The following MSMB variants were observed in gnomAD, a reference collection of about 807,000 sequenced individuals.
The protein encoded by MSMB is microseminoprotein beta, also known as beta-microseminoprotein.
Under a neutral mutation model 10.5 loss-of-function variants are expected in MSMB, and 10 were observed. That is an observed-to-expected ratio of 0.95 (90% CI 0.59 to 1.62). MSMB has a LOEUF of 1.62. Among genes scored for constraint, MSMB ranks in the 40% most tolerant of loss-of-function variants. MSMB has a pLI of 0.00. For missense variants in MSMB, 126 were observed against 137.4 expected, an observed-to-expected ratio of 0.92 and a Z score of 0.42; for synonymous variants, 43 against 46.5, an observed-to-expected ratio of 0.93 and a Z score of 0.30.
chr10:46,035,797 C>T (rs1554927462), intron 3 of MSMB, among the ~76,000 whole-genome samples: 2 of 151,560 alleles, frequency 1.3e-5, no homozygotes. Context: ...TACACTGGCA[C>T]ATTTTATGTA....
chr10:46,034,698 G>A (rs569050960), intron 3 of MSMB, among the ~76,000 whole-genome samples: 70 of 151,746 alleles, frequency 4.6e-4, no homozygotes, highest in African/African-American at 1.5e-3. Context: ...GGTTGCAGGC[G>A]CCTGTAGTCC....
chr10:46,046,160 G>A (rs1404920916), intron 1 of MSMB, 75 bp downstream of exon 1: 2 of 1,419,806 alleles, frequency 1.4e-6, no homozygotes, highest in African/African-American at 2.8e-5. Flanking sequence ...TGTGGTAGAA[G>A]CACACGCATA....
At chr10:46,041,789 GT>G (rs1311883412) in intron 1 of MSMB, among the ~76,000 whole-genome samples, 1 of 149,828 alleles carries the variant, frequency 6.7e-6, no homozygotes, top group Non-Finnish European at 1.5e-5. Flanking sequence ...GTGAAACCCT[GT>G]CTTTAAAAAA....
rs925158026 is a variant in MSMB, at chr10:46,039,928, G to C, written c.109+58C>G. 4.7e-6 allele frequency: 6 copies of C among 1,269,006 alleles called. No individual in the cohort carries two copies. In the African/African-American group the frequency reaches 8.8e-5, roughly 19 times the overall value. 78.6% of individuals were successfully genotyped at this position (1,269,006 alleles called of 1,614,324 possible). A position where few individuals can be genotyped will look rare whatever the true frequency, so the allele number is the denominator to read the frequency against. ...AGAAACACAAAGGCTTTCATCTGCA[G>C]ACAGGTCCATCTACCAGGCTGCAAT... is the stretch of plus-strand genomic sequence containing the variant. On this transcript the variant is annotated intron_variant, in intron 2 of 3. Coordinates refer to ENST00000582163, the MANE Select transcript of MSMB (RefSeq NM_002443.4).
chr10:46,039,995 A>T lies in MSMB; in HGVS notation c.100T>A (p.Ser34Thr). 1 of 1,613,434 alleles carries T rather than the reference A, an allele frequency of 6.2e-7. No individual in the cohort carries two copies. The highest frequency in any genetic ancestry group is 8.5e-7 in the Non-Finnish European group (1 of 1,179,388). ...AAAAGCCAAGACTTACTCCTGGTTG[A>T]ATCTCCTGGAACTCCCTCATTAGGT... ...FIPNEGVPGD[S>T]TRKCMDLKGN... Residue 34 changes from serine to threonine, a missense_variant, in exon 2 of 4, where the codon TCA (serine) becomes ACA (threonine). Transcript: ENST00000582163.
intron 3 of MSMB, among the ~76,000 whole-genome samples, chr10:46,038,534 C>T (rs781814555): frequency 4.4e-4 from 67 of 152,058 alleles, no homozygotes; most frequent in African/African-American, 1.5e-3. Flanking sequence ...GTGATCCGCC[C>T]GCTTCGGCCC....
At chr10:46,037,738 G>A (rs931602214) in intron 3 of MSMB, among the ~76,000 whole-genome samples, 1 of 152,112 alleles carries the variant, frequency 6.6e-6, no homozygotes, top group African/African-American at 2.4e-5. Flanking sequence ...GTGATGACCG[G>A]GCCAATCTCT....
At chr10:46,040,955 A>G (rs1554928499) in intron 1 of MSMB, among the ~76,000 whole-genome samples, 1 of 148,788 alleles carries the variant, frequency 6.7e-6, no homozygotes, top group Non-Finnish European at 1.5e-5. Flanking sequence ...CTCCGTCTCA[A>G]AAAAAAAAAA....
At chr10:46,040,683 G>T (rs189519113) in intron 1 of MSMB, among the ~76,000 whole-genome samples, 31 of 152,090 alleles carry the variant, frequency 2.0e-4, no homozygotes, top group African/African-American at 7.2e-4. Flanking sequence ...TGCCAGGCAC[G>T]GTGGCTCACG....
intron 3 of MSMB, 39 bp downstream of exon 3, chr10:46,038,927 C>T: frequency 6.4e-7 from 1 of 1,552,448 alleles, no homozygotes; most frequent in Non-Finnish European, 8.9e-7. Context: ...CAGAGAACAG[C>T]TATGTCCCCC....
At chr10:46,043,649 T>G (rs1554928933) in intron 1 of MSMB, among the ~76,000 whole-genome samples, 2 of 149,542 alleles carry the variant, frequency 1.3e-5, no homozygotes, top group African/African-American at 5.0e-5. Flanking sequence ...TTCCTGGGAG[T>G]TTTTTTTGTT....
intron 1 of MSMB, among the ~76,000 whole-genome samples, chr10:46,041,001 G>A (rs10994294): frequency 0.043 from 6,525 of 151,452 alleles, 202 homozygotes; most frequent in Non-Finnish European, 0.061. Flanking sequence ...CAGAACACTC[G>A]ATCTATTTTA....
intron 1 of MSMB, among the ~76,000 whole-genome samples, chr10:46,045,534 AAAAC>A (rs1459200101): frequency 1.3e-5 from 2 of 152,200 alleles, no homozygotes; most frequent in Non-Finnish European, 2.9e-5. Context: ...TCCTGTCTCA[AAAAC>A]AAACAAATAA....
intron 3 of MSMB, among the ~76,000 whole-genome samples, chr10:46,038,608 G>A (rs1009218512): frequency 3.3e-5 from 5 of 152,018 alleles, no homozygotes; most frequent in Admixed American, 6.6e-5. Flanking sequence ...TAAAAAGAAA[G>A]AAATAGGACT....
chr10:46,039,455 G>A (rs1840692604), intron 2 of MSMB, among the ~76,000 whole-genome samples: 2 of 152,046 alleles, frequency 1.3e-5, no homozygotes, highest in South Asian at 2.1e-4. Context: ...GCTTTGCATC[G>A]GTGGTTTTCA....
chr10:46,033,544 T>G lies in MSMB; in HGVS notation c.223A>C (p.Thr75Pro), dbSNP rs868947526. ...TTGTCTTTGTCATAACCCACAGGTG[T>G]AGAAACACTGTCATTGAGACAAAAC... The part of the protein sequence containing the change: ...TEISCCTLVS[T>P]PVGYDKDNCQ... Residue 75 changes from threonine (T) to proline (P), a missense_variant, in exon 4 of 4, where the codon ACA becomes CCA. Transcript: ENST00000582163. 1 of 1,613,526 alleles carries G rather than the reference T, an allele frequency of 6.2e-7. No homozygotes were observed. The highest frequency in any genetic ancestry group is 1.7e-4 in the Middle Eastern group (1 of 6,058).
At chr10:46,036,116 A>C (rs1554927497) in intron 3 of MSMB, among the ~76,000 whole-genome samples, 1 of 152,140 alleles carries the variant, frequency 6.6e-6, no homozygotes, top group Non-Finnish European at 1.5e-5. Context: ...TTCCTCACCC[A>C]AGTCAGGGAG....
intron 1 of MSMB, among the ~76,000 whole-genome samples, chr10:46,044,210 G>A (rs1840826081): frequency 6.6e-6 from 1 of 152,026 alleles, no homozygotes; most frequent in Admixed American, 6.6e-5. Context: ...ACACCACGAC[G>A]CCAGAATGGG....
chr10:46,039,566 A>G (rs559801558), intron 2 of MSMB, among the ~76,000 whole-genome samples: 4 of 152,314 alleles, frequency 2.6e-5, no homozygotes, highest in Non-Finnish European at 5.9e-5. Flanking sequence ...TACAGGGCCC[A>G]GGCTACTGTG....
Sources: allele counts gnomAD v4.1 joint callset (sites outside exome capture counted in the v4.1 genomes callset), GRCh38; gene constraint gnomAD v4.1.1; transcripts MANE v1.5; gene names NCBI Gene and HGNC (gene_info 2026-07-23, HGNC 2026-07-21).